The following HAGH variants were observed in gnomAD, a reference collection of about 807,000 sequenced individuals.
HAGH encodes the protein hydroxyacylglutathione hydrolase, mitochondrial.
HAGH carries 29 observed loss-of-function variants against 35.1 expected under a neutral mutation model. That is an observed-to-expected ratio of 0.83 (90% CI 0.62 to 1.13). The LOEUF (loss-of-function observed/expected upper bound fraction) is 1.13, where lower values mean the gene tolerates loss of function less well. Ranked by LOEUF, HAGH falls within the 50% of genes most tolerant of loss-of-function variation. The probability of loss-of-function intolerance (pLI) is 0.00; values close to 1 mark genes in which losing one functional copy is unlikely to be tolerated. For missense variants in HAGH, 478 were observed against 419.6 expected, an observed-to-expected ratio of 1.14 and a Z score of -1.22; for synonymous variants, 225 against 176.1, an observed-to-expected ratio of 1.28 and a Z score of -2.20.
chr16:1,822,650 A>G (rs764602433), intron 2 of HAGH, among the ~76,000 whole-genome samples: 1 of 152,200 alleles, frequency 6.6e-6, no homozygotes, highest in Non-Finnish European at 1.5e-5. Flanking sequence ...GCCCCCAAGA[A>G]GACTCAAGTG....
At chr16:1,809,664 A>T (rs1026524058) in intron 8 of HAGH, 90 bp downstream of exon 8, 7 of 960,222 alleles carry the variant, frequency 7.3e-6, no homozygotes, top group African/African-American at 6.4e-5. Flanking sequence ...AGCCTCAGCC[A>T]TCTGGGGTCT....
rs189579532 is a variant in HAGH, at chr16:1,814,748, A to G, written c.747+2145T>C. ...CCCATCTCTACTAAAAATACAAAAA[A>G]TTAGCTGGGCGTGGTGACGGGCACC... On this transcript the variant is annotated intron_variant, in intron 7 of 8. Coordinates refer to ENST00000397356, the MANE Select transcript of HAGH (RefSeq NM_005326.6). 1.8e-3 allele frequency among the ~76,000 whole-genome samples: 276 copies of G among 151,660 alleles called. 2 individuals carry two copies. Among genetic ancestry groups the G allele is most frequent in the African/African-American group, 6.3e-3 (262 of 41,376 alleles).
chr16:1,816,406 G>A (rs897424393), intron 7 of HAGH, among the ~76,000 whole-genome samples: 3 of 152,024 alleles, frequency 2.0e-5, no homozygotes, highest in African/African-American at 4.8e-5. Context: ...GGGAGCCCAC[G>A]CCTGAGACCA....
chr16:1,809,289 C>T lies in HAGH; in HGVS notation c.921G>A (p.Arg307=). 1.2e-6 allele frequency: 2 copies of T among 1,607,682 alleles called. No individual in the cohort carries two copies. Among genetic ancestry groups the T allele is most frequent in the South Asian group, 2.2e-5 (2 of 90,718 alleles). ...RREKDQFKMP[R]D is the part of the protein sequence containing the mutation. ...CTGAAGGTGCAGGGCGGCCTCAGTC[C>T]CGGGGCATCTTGAACTGGTCCTTCT... The change falls in exon 9 of 9, where the codon CGG becomes CGA. Residue 307 remains arginine, a synonymous_variant. Transcript: ENST00000397356.
intron 4 of HAGH, among the ~76,000 whole-genome samples, chr16:1,819,612 C>A (rs888476670): frequency 6.6e-6 from 1 of 152,228 alleles, no homozygotes; most frequent in African/African-American, 2.4e-5. Context: ...GACACCCTCG[C>A]AGGGCCCTCC....
chr16:1,820,918 C>G (rs1018591237), intron 3 of HAGH, among the ~76,000 whole-genome samples: 1 of 152,176 alleles, frequency 6.6e-6, no homozygotes, highest in Non-Finnish European at 1.5e-5. Context: ...TAGGACTTCA[C>G]GTGTCGGCAT....
chr16:1,814,808 G>A (rs1897814469), intron 7 of HAGH, among the ~76,000 whole-genome samples: 1 of 151,992 alleles, frequency 6.6e-6, no homozygotes, highest in Non-Finnish European at 1.5e-5. Flanking sequence ...TGAGGCAGGA[G>A]AATGGCTTGA....
At chr16:1,826,510 G>A in intron 1 of HAGH, 1 of 963,960 alleles carries the variant, frequency 1.0e-6, no homozygotes, top group Non-Finnish European at 1.2e-6. Context: ...TGCTTACCTA[G>A]CGCTTTCCGC....
Position 1,809,223 on chromosome 16 carries a change from A to AG in HAGH, c.*59dup, listed in dbSNP as rs1897519043. 8.8e-7 allele frequency: 1 copy of AG among 1,139,454 alleles called. No homozygotes were observed. The highest frequency in any genetic ancestry group is 1.3e-6 in the Non-Finnish European group (1 of 770,356). The allele number at this position is 1,139,454 out of a possible 1,614,324, so 70.6% of individuals were successfully genotyped here. Reference sequence around the variant, plus strand: ...GACTGAATTTCCCGCACGGACCAGCAGGAAAGCCAGTTACCTAAAAGAGCC... The same window carrying AG: ...GACTGAATTTCCCGCACGGACCAGCAGGGAAAGCCAGTTACCTAAAAGAGCC... On this transcript the variant is annotated 3_prime_UTR_variant, in exon 9 of 9. Coordinates refer to ENST00000397356, the MANE Select transcript of HAGH (RefSeq NM_005326.6).
At chr16:1,811,047 AG>A (rs1897626835) in intron 7 of HAGH, among the ~76,000 whole-genome samples, 1 of 152,366 alleles carries the variant, frequency 6.6e-6, no homozygotes, top group Non-Finnish European at 1.5e-5. Context: ...ATAAGCTTTT[AG>A]GTTACCTATT....
intron 7 of HAGH, among the ~76,000 whole-genome samples, chr16:1,811,461 C>A (rs1402859826): frequency 2.2e-5 from 3 of 137,782 alleles, no homozygotes; most frequent in African/African-American, 8.3e-5. Flanking sequence ...ACCTGTAATC[C>A]CAGCACTGGG....
intron 7 of HAGH, chr16:1,810,910 G>A (rs1897619549): frequency 6.6e-6 from 1 of 152,238 alleles, no homozygotes; most frequent in Non-Finnish European, 1.5e-5. Flanking sequence ...ATCTGAGAAT[G>A]TTTTAAAATA....
intron 1 of HAGH, among the ~76,000 whole-genome samples, chr16:1,825,440 A>AT (rs1376881831): frequency 1.3e-5 from 2 of 152,196 alleles, no homozygotes; most frequent in African/African-American, 2.4e-5. Flanking sequence ...TTCCCTTTCC[A>AT]TATCACTCAG....
chr16:1,821,637 G>A (rs567500947), intron 3 of HAGH: 4 of 152,326 alleles, frequency 2.6e-5, no homozygotes, highest in Admixed American at 2.6e-4. Context: ...ATGGCTGCTT[G>A]TCTTTGTTTT....
intron 7 of HAGH, chr16:1,812,504 CA>C (rs749369966): frequency 0.048 from 1,265 of 26,624 alleles, 10 homozygotes; most frequent in Middle Eastern, 0.24. Flanking sequence ...AACGCTGTCT[CA>C]AAAAAAAAAA....
chr16:1,826,812 A>T lies in HAGH; in HGVS notation c.-25T>A. ...TGACCCGGGCCGGGCTGGACTGCCG[A>T]GCTGCCCAGGACTGCAAAACACCGG... On this transcript the variant is annotated 5_prime_UTR_variant, in exon 1 of 9. Coordinates refer to ENST00000397356, the MANE Select transcript of HAGH (RefSeq NM_005326.6). The T allele has an allele frequency of 8.2e-7, 1 of 1,214,062 alleles. No homozygotes were observed. The highest frequency in any genetic ancestry group is 3.8e-5 in the South Asian group (1 of 26,054). The allele number at this position is 1,214,062 out of a possible 1,614,324, so 75.2% of individuals were successfully genotyped here.
chr16:1,814,930 TACACACAC>T (rs4027423), intron 7 of HAGH, among the ~76,000 whole-genome samples: 12 of 140,648 alleles, frequency 8.5e-5, no homozygotes, highest in Admixed American at 2.8e-4. Context: ...TATATGTATA[TACACACAC>T]ACACACACAC....
intron 7 of HAGH, chr16:1,810,857 A>G (rs1359277156): frequency 1.3e-5 from 2 of 152,246 alleles, no homozygotes; most frequent in Non-Finnish European, 2.9e-5. Context: ...GTAGATGCCA[A>G]GATGGTTTCT....
In HAGH at chr16:1,819,189, G is replaced by A. The variant is rs779307191; in HGVS notation, c.467C>T (p.Pro156Leu). Residue 156 changes from proline to leucine, a missense_variant, in exon 5 of 9, where the codon CCG becomes CTG. By Grantham distance (98) the Pro-to-Leu change is moderately conservative. Transcript: ENST00000397356. ...GSLNVKCLAT[P>L]CHTSGHICYF... is the part of the protein sequence containing the mutation. ...ACAAATGTGTCCTGAAGTGTGGCAC[G>A]GGGTCGCCAGGCACTTGACGTTCAG... 18 of 1,612,346 alleles carry A rather than the reference G, an allele frequency of 1.1e-5. No homozygotes were observed. The highest frequency in any genetic ancestry group is 1.6e-4 in the Middle Eastern group (1 of 6,076).
Sources: allele counts gnomAD v4.1 joint callset (sites outside exome capture counted in the v4.1 genomes callset), GRCh38; gene constraint gnomAD v4.1.1; transcripts MANE v1.5; gene names NCBI Gene and HGNC (gene_info 2026-07-23, HGNC 2026-07-21).